Variants in ARHGEF12 observed in about 807,000 individuals in gnomAD.
ARHGEF12 encodes the protein KMT2A/ARHGEF12 fusion protein.
In ARHGEF12, 66 loss-of-function variants were observed where a neutral mutation model predicts 211.2. That is an observed-to-expected ratio of 0.31 (90% CI 0.26 to 0.38). The LOEUF is 0.38. ARHGEF12 is among the 10% of genes least tolerant of loss of function. The pLI, the probability that ARHGEF12 is intolerant of heterozygous loss-of-function variation, is 1.00. For synonymous variants in ARHGEF12, 592 were observed against 638.4 expected, an observed-to-expected ratio of 0.93 and a Z score of 1.09; for missense variants, 1,429 against 1,869.5, an observed-to-expected ratio of 0.76 and a Z score of 4.34.
chr11:120,476,827 G>T (rs983204713), intron 34 of ARHGEF12, 79 bp downstream of exon 34: 3 of 1,176,330 alleles, frequency 2.6e-6, no homozygotes, highest in African/African-American at 1.5e-5. Context: ...ACTTAACTTT[G>T]TTTTTATAAT....
At chr11:120,347,262 C>CTG (rs1182289237) in intron 1 of ARHGEF12, among the ~76,000 whole-genome samples, 9 of 117,698 alleles carry the variant, frequency 7.6e-5, no homozygotes, top group African/African-American at 2.7e-4. Context: ...CTCTCTCTCT[C>CTG]TCTCTGTCTG....
intron 3 of ARHGEF12, chr11:120,408,417 C>T (rs1944778353): frequency 6.6e-6 from 1 of 152,116 alleles, no homozygotes. Context: ...CCTTTTAAAA[C>T]ATCTAGGCTT....
chr11:120,465,733 G>A (rs894239014), intron 28 of ARHGEF12, among the ~76,000 whole-genome samples: 6 of 152,216 alleles, frequency 3.9e-5, no homozygotes, highest in African/African-American at 1.4e-4. Flanking sequence ...CTCCCGAAGG[G>A]ATTACAGGTG....
intron 1 of ARHGEF12, among the ~76,000 whole-genome samples, chr11:120,399,954 A>G (rs1359452738): frequency 1.3e-5 from 2 of 152,172 alleles, no homozygotes; most frequent in Non-Finnish European, 2.9e-5. Context: ...GCATTTAAAT[A>G]AAGTTCTCAA....
At chr11:120,465,724 T>C (rs1055518778) in intron 28 of ARHGEF12, among the ~76,000 whole-genome samples, 1 of 152,210 alleles carries the variant, frequency 6.6e-6, no homozygotes, top group Admixed American at 6.5e-5. Flanking sequence ...CACCTCGGCC[T>C]CCCGAAGGGA....
chr11:120,480,184 T>C lies in ARHGEF12; in HGVS notation c.3991T>C (p.Ser1331Pro). 1 of 1,614,196 alleles carries C rather than the reference T, an allele frequency of 6.2e-7. No homozygotes were observed. The change falls in exon 38 of 41, where the codon TCA becomes CCA. Residue 1331 changes from serine to proline, a missense_variant. By Grantham distance (74) the Ser-to-Pro change is moderately conservative (BLOSUM62 -1). Around this residue, in one of 7 missense-constraint regions of ARHGEF12, gnomAD observed 467 missense variants for 468.4 expected, o/e 1.00. Coordinates refer to ENST00000397843, the MANE Select transcript of ARHGEF12 (RefSeq NM_015313.3). ...DIATCYSPRT[S>P]TESFAPRDSV... is the part of the protein sequence containing the mutation. Reference sequence around the variant, plus strand: ...TGCAACTTGTTACAGTCCACGGACTTCAACTGAATCTTTTGCTCCACGGGA... The same window carrying C: ...TGCAACTTGTTACAGTCCACGGACTCCAACTGAATCTTTTGCTCCACGGGA...
chr11:120,429,937 C>T (rs1490711330), intron 10 of ARHGEF12, 106 bp downstream of exon 10: 20 of 1,266,570 alleles, frequency 1.6e-5, no homozygotes, highest in South Asian at 1.1e-4. Flanking sequence ...ATTTTTCTAG[C>T]GTAGGACAAC....
chr11:120,348,509 T>C (rs371337084), intron 1 of ARHGEF12, among the ~76,000 whole-genome samples: 2 of 152,178 alleles, frequency 1.3e-5, no homozygotes, highest in African/African-American at 4.8e-5. Flanking sequence ...ACAAACTTTG[T>C]TTCATGCACA....
chr11:120,376,507 A>G (rs1202668090), intron 1 of ARHGEF12, among the ~76,000 whole-genome samples: 1 of 152,142 alleles, frequency 6.6e-6, no homozygotes, highest in Non-Finnish European at 1.5e-5. Context: ...TCACCATTAT[A>G]TTATTGTTAA....
intron 1 of ARHGEF12, chr11:120,337,915 T>A (rs1942406033): frequency 2.0e-6 from 2 of 985,058 alleles, no homozygotes; most frequent in African/African-American, 1.7e-5. Context: ...AAATATTTCG[T>A]CTTCCAGAAA....
In ARHGEF12 at chr11:120,444,275, T is replaced by C. The variant is rs553138069; in HGVS notation, c.1303-1147T>C. ...GAAGCATGTTTGAATTTTGCATTTC[T>C]TAAGAGGGCACCAAGCTAAGTCAAA... On this transcript the variant is annotated intron_variant, in intron 15 of 40. Transcript: ENST00000397843. 2.6e-5 allele frequency among the ~76,000 whole-genome samples: 4 copies of C among 152,334 alleles called. No individual in the cohort carries two copies. The South Asian group carries it at 8.3e-4, about 32-fold the overall frequency.
chr11:120,446,825 A>G, intron 17 of ARHGEF12, 123 bp from the exon 18 acceptor site: 2 of 1,220,204 alleles, frequency 1.6e-6, no homozygotes, highest in Admixed American at 2.7e-5. Context: ...ATGGACCCAT[A>G]AGTGGAAAAG....
At chr11:120,459,084 C>A in intron 25 of ARHGEF12, 90 bp from the exon 26 acceptor site, 1 of 1,002,812 alleles carries the variant, frequency 1.0e-6, no homozygotes, top group Non-Finnish European at 1.4e-6. Context: ...TTATATAATT[C>A]ATTTGCTACT....
At chr11:120,446,376 A>T (rs755213180) in intron 16 of ARHGEF12, 27 bp from the exon 17 acceptor site, 1 of 1,565,098 alleles carries the variant, frequency 6.4e-7, no homozygotes. Flanking sequence ...ATACCTTTAG[A>T]TAACATAATT....
intron 1 of ARHGEF12, among the ~76,000 whole-genome samples, chr11:120,377,411 G>A (rs1187128830): frequency 6.6e-6 from 1 of 151,860 alleles, no homozygotes; most frequent in African/African-American, 2.4e-5. Flanking sequence ...CGCAAACACA[G>A]TTCACTTCAG....
chr11:120,457,467 T>G, intron 23 of ARHGEF12: 1 of 453,854 alleles, frequency 2.2e-6, no homozygotes, highest in Admixed American at 4.0e-5. Context: ...CACTTCAAAC[T>G]GTAAAAAATA....
chr11:120,452,805 G>A (rs1470209942), intron 22 of ARHGEF12, among the ~76,000 whole-genome samples: 1 of 152,086 alleles, frequency 6.6e-6, no homozygotes, highest in Non-Finnish European at 1.5e-5. Context: ...AGAGCAGCCT[G>A]GCCAACATGG....
In ARHGEF12 at chr11:120,458,306, C is replaced by T. The variant is rs373815193; in HGVS notation, c.2380+72C>T. The T allele has an allele frequency of 3.4e-5, 54 of 1,565,908 alleles. No individual in the cohort carries two copies. The African/African-American group carries it at 5.8e-4, about 17-fold the overall frequency. On this transcript the variant is annotated intron_variant, in intron 25 of 40. Transcript: ENST00000397843. The stretch of plus-strand genomic sequence containing the variant: ...GTCAGAGTGAATTAAGTCTCTCAGC[C>T]TTGGAGTTTGCTTCAAAGTTTCTCC...
chr11:120,385,704 T>A (rs549700071), intron 1 of ARHGEF12, among the ~76,000 whole-genome samples: 1 of 152,356 alleles, frequency 6.6e-6, no homozygotes, highest in Admixed American at 6.5e-5. Context: ...ATTCCTAGTT[T>A]TGAAAACCCG....
Sources: gnomAD v4.1 joint callset for allele counts (sites outside exome capture counted in the v4.1 genomes callset) on GRCh38, gnomAD v4.1.1 for gene constraint, gnomAD v4.1.1 regional missense constraint, MANE v1.5 for transcripts, NCBI Gene and HGNC (gene_info 2026-07-23, HGNC 2026-07-21) for gene names.